The following MYH8 variants were observed in gnomAD, a reference collection of about 807,000 sequenced individuals.
MYH8 encodes myosin heavy chain 8.
In MYH8, 168 loss-of-function variants were observed where a neutral mutation model predicts 233.2. The observed-to-expected ratio is 0.72, with a 90% confidence interval of 0.64 to 0.82. The LOEUF (loss-of-function observed/expected upper bound fraction) is 0.82. MYH8 is among the 40% of genes least tolerant of loss of function. The pLI is 0.00. For missense variants in MYH8, 1,995 were observed against 2,327.8 expected, an observed-to-expected ratio of 0.86 and a Z score of 2.94; for synonymous variants, 785 against 850.6, an observed-to-expected ratio of 0.92 and a Z score of 1.34.
At chr17:10,408,246 C>A (rs898106027) in intron 17 of MYH8, among the ~76,000 whole-genome samples, 1 of 152,066 alleles carries the variant, frequency 6.6e-6, no homozygotes, top group Non-Finnish European at 1.5e-5. Flanking sequence ...GCCAAGAAGG[C>A]AGATTTTTTT....
At chr17:10,416,674 T>C (rs929718286) in intron 5 of MYH8, among the ~76,000 whole-genome samples, 2 of 152,186 alleles carry the variant, frequency 1.3e-5, no homozygotes, top group African/African-American at 2.4e-5. Flanking sequence ...ATTTGATTAA[T>C]TTTTAAAACA....
rs529314902 is a variant in MYH8, at chr17:10,409,156, C to T, written c.1906G>A (p.Ala636Thr). 69 of 1,614,132 alleles carry T rather than the reference C, an allele frequency of 4.3e-5. No homozygotes were observed. Among genetic ancestry groups the T allele is most frequent in the East Asian group, 2.2e-4 (10 of 44,886 alleles). Residue 636 changes from alanine to threonine, a missense_variant, in exon 17 of 40, where the codon GCG (alanine) becomes ACG (threonine). By Grantham distance (58) the Ala-to-Thr change is moderately conservative (BLOSUM62 0). Transcript: ENST00000403437. ...CCCTTTTTCTTAGCACCTTTCTTCGCGCTGCTATCTGAGGTAAAAAGAAAA... is the reference window on the plus strand; with the variant it reads ...CCCTTTTTCTTAGCACCTTTCTTCGTGCTGCTATCTGAGGTAAAAAGAAAA... ...TYASAEADSS[A>T]KKGAKKKGSS...
chr17:10,418,836 G>A (rs975628879), intron 4 of MYH8, 35 bp from the exon 5 acceptor site: 2 of 1,613,798 alleles, frequency 1.2e-6, no homozygotes, highest in Admixed American at 3.3e-5. Flanking sequence ...TTTGGATCTC[G>A]TTTTTACTCA....
Position 10,400,994 on chromosome 17 carries a change from T to C in MYH8, c.3255-35A>G, listed in dbSNP as rs778404323. On this transcript the variant is annotated intron_variant, in intron 25 of 39. Transcript: ENST00000403437. This position sits in a 1 kb window ranked among gnomAD's most constrained non-coding sequence, Gnocchi z 4.0. ...GAAGAGCAAGACGTATTAATACTCA[T>C]GTGAATTGAAAGATGATATCACATA... is the stretch of plus-strand genomic sequence containing the variant. The C allele has an allele frequency of 6.2e-7, 1 of 1,613,714 alleles. No individual in the cohort carries two copies. Among genetic ancestry groups the C allele is most frequent in the Non-Finnish European group, 8.5e-7 (1 of 1,179,650 alleles).
chr17:10,400,869 C>T lies in MYH8; in HGVS notation c.3345G>A (p.Gln1115=), dbSNP rs751724627. ...AAAAAATAGAGGTGAGATGACTCACCTGCAACTCTTTGATCTTCTTCTGTA... is the reference window on the plus strand; with the variant it reads ...AAAAAATAGAGGTGAGATGACTCACTTGCAACTCTTTGATCTTCTTCTGTA... ...IQLQKKIKEL[Q]ARIEELGEEI... is the part of the protein sequence containing the mutation. Residue 1115 remains glutamine, a splice_region_variant and synonymous_variant, in exon 26 of 40, where the codon CAG becomes CAA. Transcript: ENST00000403437. This position sits in a 1 kb window ranked among gnomAD's most constrained non-coding sequence, Gnocchi z 4.0. 8 of 1,613,824 alleles carry T rather than the reference C, an allele frequency of 5.0e-6. No individual in the cohort carries two copies. In the Admixed American group the frequency reaches 1.3e-4, roughly 27 times the overall value.
At chr17:10,411,816 G>C (rs2072246733) in intron 14 of MYH8, among the ~76,000 whole-genome samples, 2 of 152,182 alleles carry the variant, frequency 1.3e-5, no homozygotes, top group East Asian at 1.9e-4. Context: ...TAGTATAGCA[G>C]TTGAAGATCT....
intron 5 of MYH8, 53 bp downstream of exon 5, chr17:10,418,592 T>G (rs2072307602): frequency 6.2e-7 from 1 of 1,612,356 alleles, no homozygotes; most frequent in Non-Finnish European, 8.5e-7. Context: ...GTCTGTCTGT[T>G]CTGCAAAGAT....
At position 10,418,926 on chromosome 17, in the gene MYH8, C is replaced by T. The variant is rs763894434; in HGVS notation, c.315G>A (p.Leu105=). The change falls in exon 4 of 40, where the codon CTG becomes CTA. Residue 105 remains leucine (L), a synonymous_variant. Coordinates refer to ENST00000403437, the MANE Select transcript of MYH8 (RefSeq NM_002472.3). ...MMTHLHEPGV[L]YNLKERYAAW... ...CTGCATAGCGCTCTTTGAGGTTGTA[C>T]AGCACTCCAGGCTCGTGTAGATGAG... The T allele has an allele frequency of 2.5e-6, 4 of 1,614,176 alleles. No individual in the cohort carries two copies. The highest frequency in any genetic ancestry group is 3.3e-5 in the Admixed American group (2 of 60,024).
Position 10,419,028 on chromosome 17 carries a change from A to G in MYH8, c.213T>C (p.Thr71=). The G allele has an allele frequency of 6.2e-7, 1 of 1,613,988 alleles. No individual in the cohort carries two copies. Among genetic ancestry groups the G allele is most frequent in the Non-Finnish European group, 8.5e-7 (1 of 1,179,968 alleles). Residue 71 remains threonine (T), a splice_region_variant and synonymous_variant, in exon 4 of 40, where the codon ACT becomes ACC. Transcript: ENST00000403437. The surrounding 1 kb of genome is among the most constrained non-coding windows in gnomAD (Gnocchi z 4.0). The part of the protein sequence containing the change: ...KVTVKTEGGA[T]LTVREDQVFP... ...AGACTTGGTCTTCCCTGACAGTTAG[A>G]GTCTGGTGAGTAAGCAAGAAACCAG...
In MYH8 at chr17:10,413,348, C is replaced by G. The variant is rs192597581; in HGVS notation, c.1147+554G>C. ...AAAGGCTTTAAGGAGCGATAACTGT[C>G]TTTCTGGGGTAGATCCTGTATATTG... On this transcript the variant is annotated intron_variant, in intron 12 of 39. Transcript: ENST00000403437. 7.9e-5 allele frequency among the ~76,000 whole-genome samples: 12 copies of G among 152,280 alleles called. No homozygotes were observed. In the East Asian group the frequency reaches 2.3e-3, roughly 29 times the overall value.
Position 10,417,636 on chromosome 17 carries a change from CA to C in MYH8, c.511+1008del, listed in dbSNP as rs1052877406. ...GCGGGGGGCTTGCTGAGTGGGAGGA[CA>C]GGGGTGGTGTACATAGCTGTGTAAA... On this transcript the variant is annotated intron_variant, in intron 5 of 39. Coordinates refer to ENST00000403437, the MANE Select transcript of MYH8 (RefSeq NM_002472.3). The surrounding 1 kb of genome is among the most constrained non-coding windows in gnomAD (Gnocchi z 4.1). Among the ~76,000 whole-genome samples the C allele has an allele frequency of 6.6e-6, 1 of 152,126 alleles. No individual in the cohort carries two copies. The highest frequency in any genetic ancestry group is 2.4e-5 in the African/African-American group (1 of 41,432).
rs552139621 is a variant in MYH8, at chr17:10,400,813, A to G, written c.3346-34T>C. On this transcript the variant is annotated intron_variant, in intron 26 of 39. Coordinates refer to ENST00000403437, the MANE Select transcript of MYH8 (RefSeq NM_002472.3). The surrounding 1 kb of genome is among the most constrained non-coding windows in gnomAD (Gnocchi z 4.0). ...GAAAGAAGCACATAAACATAAACTC[A>G]TCTCAACTTCAGTGTTTTTTTGGTG... 8.7e-6 allele frequency: 14 copies of G among 1,613,624 alleles called. No homozygotes were observed. Among genetic ancestry groups the G allele is most frequent in the Non-Finnish European group, 1.1e-5 (13 of 1,179,756 alleles).
chr17:10,392,111 G>T lies in MYH8; in HGVS notation c.5569-134C>A, dbSNP rs989036607. ...GATCAACTCTGAGATTTTCTTCATA[G>T]AATTAACAGTAGCACTCTTGGTAAA... is the stretch of plus-strand genomic sequence containing the variant. On this transcript the variant is annotated intron_variant, in intron 38 of 39. Transcript: ENST00000403437. 9.0e-5 allele frequency: 69 copies of T among 766,510 alleles called. No individual in the cohort carries two copies. The South Asian group carries it at 9.6e-4, about 11-fold the overall frequency. The allele number at this position is 766,510 out of a possible 1,614,324, so 47.5% of individuals were successfully genotyped here.
chr17:10,395,272 A>C lies in MYH8; in HGVS notation c.4823T>G (p.Ile1608Ser). 6.2e-7 allele frequency: 1 copy of C among 1,614,084 alleles called. No homozygotes were observed. Among genetic ancestry groups the C allele is most frequent in the Non-Finnish European group, 8.5e-7 (1 of 1,180,020 alleles). ...ETMQSTLDAE[I>S]RSRNDALRVK... Reference sequence around the variant, plus strand: ...TCTCAGAGCATCATTTCTGCTTCTAATCTCTGCATCCAGCGTGCTCTGCAT... The same window carrying C: ...TCTCAGAGCATCATTTCTGCTTCTACTCTCTGCATCCAGCGTGCTCTGCAT... The change falls in exon 34 of 40, where the codon ATT becomes AGT. Residue 1608 changes from isoleucine (I) to serine (S), a missense_variant. Transcript: ENST00000403437.
chr17:10,393,806 G>A (rs1246231137), intron 35 of MYH8, among the ~76,000 whole-genome samples: 1 of 152,128 alleles, frequency 6.6e-6, no homozygotes, highest in East Asian at 1.9e-4. Flanking sequence ...TGCTAAATGA[G>A]CTGTAAGGCA....
chr17:10,414,047 G>C lies in MYH8; in HGVS notation c.1009-7C>G. ...CCAGGATGTCAATGGCACTCTACCA[G>C]GAAAAATGAGAGGACAAAAGTTAGG... On this transcript the variant is annotated splice_region_variant and splice_polypyrimidine_tract_variant and intron_variant, in intron 11 of 39. Transcript: ENST00000403437. The C allele has an allele frequency of 3.7e-6, 6 of 1,614,038 alleles. No homozygotes were observed. The highest frequency in any genetic ancestry group is 5.1e-6 in the Non-Finnish European group (6 of 1,180,004).
Position 10,398,767 on chromosome 17 carries a change from C to A in MYH8, c.3981+1G>T. The A allele has an allele frequency of 1.2e-6, 2 of 1,614,032 alleles. No individual in the cohort carries two copies. Among genetic ancestry groups the A allele is most frequent in the Non-Finnish European group, 1.7e-6 (2 of 1,179,976 alleles). ...TCAAAAAAATCCTTGGCAAAACTCA[C>A]TTTAGTTTCTTCCTCTAGTTGATGT... On this transcript the variant is annotated splice_donor_variant, in intron 29 of 39. Transcript: ENST00000403437. LOFTEE classifies it high-confidence loss of function.
intron 12 of MYH8, 58 bp from the exon 13 acceptor site, chr17:10,412,786 T>C: frequency 7.2e-7 from 1 of 1,395,296 alleles, no homozygotes; most frequent in Middle Eastern, 1.8e-4. Context: ...TTTTACCTAA[T>C]CTTTCCATTT....
intron 14 of MYH8, among the ~76,000 whole-genome samples, chr17:10,412,108 G>C (rs996337373): frequency 7.9e-5 from 12 of 152,108 alleles, no homozygotes; most frequent in African/African-American, 2.9e-4. Context: ...ATAAGTTGGG[G>C]GAATATTAGC....
Sources: allele counts gnomAD v4.1 joint callset (sites outside exome capture counted in the v4.1 genomes callset), GRCh38; gene constraint gnomAD v4.1.1; non-coding constraint Gnocchi (gnomAD v3.1); transcripts MANE v1.5; gene names NCBI Gene and HGNC (gene_info 2026-07-23, HGNC 2026-07-21).